Variants in MTUS2 observed in about 807,000 individuals in gnomAD.
The protein encoded by MTUS2 is microtubule associated scaffold protein 2.
Under a neutral mutation model 114.1 loss-of-function variants are expected in MTUS2, and 40 were observed. That is an observed-to-expected ratio of 0.35 (90% CI 0.27 to 0.46). MTUS2 has a LOEUF of 0.46. MTUS2 is among the 20% of genes least tolerant of loss of function. The pLI is 1.00. For missense variants in MTUS2, 1,679 were observed against 1,705.4 expected, an observed-to-expected ratio of 0.98 and a Z score of 0.27; for synonymous variants, 688 against 672.0, an observed-to-expected ratio of 1.02 and a Z score of -0.37.
At chr13:29,485,654 T>C (rs1881555180) in intron 10 of MTUS2, among the ~76,000 whole-genome samples, 1 of 152,190 alleles carries the variant, frequency 6.6e-6, no homozygotes, top group South Asian at 2.1e-4. Context: ...GGCGTGGTAT[T>C]CCATCACCAA....
chr13:29,287,274 G>C (rs1898529371), intron 6 of MTUS2, among the ~76,000 whole-genome samples: 1 of 152,234 alleles, frequency 6.6e-6, no homozygotes, highest in African/African-American at 2.4e-5. Flanking sequence ...GCATGTGTGT[G>C]AAGGGGGATG....
intron 5 of MTUS2, among the ~76,000 whole-genome samples, chr13:29,104,652 G>A (rs1034359993): frequency 2.0e-5 from 3 of 152,100 alleles, no homozygotes; most frequent in East Asian, 1.9e-4. Context: ...CATGTGTATC[G>A]TGCCTCCAGG....
intron 6 of MTUS2, among the ~76,000 whole-genome samples, chr13:29,323,504 C>T (rs1225273998): frequency 6.6e-6 from 1 of 152,152 alleles, no homozygotes; most frequent in African/African-American, 2.4e-5. Context: ...CCTGCCTCGG[C>T]CTCCCAAAGT....
intron 9 of MTUS2, among the ~76,000 whole-genome samples, chr13:29,461,190 G>A (rs1261751232): frequency 6.6e-6 from 1 of 152,118 alleles, no homozygotes; most frequent in Non-Finnish European, 1.5e-5. Context: ...GCAGGACAGA[G>A]AGAGAGAGAA....
chr13:28,830,099 A>G (rs558694927), intron 1 of MTUS2, among the ~76,000 whole-genome samples: 1 of 152,252 alleles, frequency 6.6e-6, no homozygotes, highest in Admixed American at 6.5e-5. Context: ...GCAGCTGCAC[A>G]TGATAAACAA....
Position 29,501,115 on chromosome 13 carries a change from C to T in MTUS2, c.3817C>T (p.Leu1273=), listed in dbSNP as rs769297789. Residue 1273 remains leucine (L), a synonymous_variant, in exon 15 of 16, where the codon CTA becomes TTA. Coordinates refer to ENST00000612955, the MANE Select transcript of MTUS2 (RefSeq NM_001033602.4). ...LEKLAEKNII[L]EEKIQVLQQQ... ...TTTGTAGGCAGAAAAGAACATTATC[C>T]TAGAAGAAAAGATCCAGGTTCTCCA... 9 of 1,614,002 alleles carry T rather than the reference C, an allele frequency of 5.6e-6. No individual in the cohort carries two copies. The South Asian group carries it at 8.8e-5, about 16-fold the overall frequency.
chr13:28,896,793 A>C (rs1470253689), intron 2 of MTUS2, among the ~76,000 whole-genome samples: 2 of 152,232 alleles, frequency 1.3e-5, no homozygotes, highest in Non-Finnish European at 2.9e-5. Context: ...CAAAAACAAG[A>C]AATGGAGAAA....
intron 6 of MTUS2, among the ~76,000 whole-genome samples, chr13:29,289,155 G>A (rs189497541): frequency 2.0e-5 from 3 of 152,296 alleles, no homozygotes; most frequent in Admixed American, 2.0e-4. Context: ...AGTAATTGAA[G>A]CATGTGATAT....
intron 9 of MTUS2, among the ~76,000 whole-genome samples, chr13:29,464,259 T>A (rs1414624837): frequency 2.0e-5 from 3 of 152,186 alleles, no homozygotes; most frequent in Non-Finnish European, 4.4e-5. Context: ...GATGAGAAGC[T>A]GAAGGCGGAA....
intron 4 of MTUS2, among the ~76,000 whole-genome samples, chr13:29,039,196 G>A (rs1434332149): frequency 6.6e-6 from 1 of 152,220 alleles, no homozygotes; most frequent in Admixed American, 6.5e-5. Context: ...GGTGCTTCTG[G>A]GCTCGGGGCA....
In MTUS2 at chr13:28,942,760, C is replaced by G. The variant is rs1389149803; in HGVS notation, c.-242-81697C>G. On this transcript the variant is annotated intron_variant, in intron 2 of 15. Transcript: ENST00000612955. Reference sequence around the variant, plus strand: ...AAGGTCAGAAACAGGCAAAACAACTCTGGTGTGTTAAAGGTGAGGTTAGTG... The same window carrying G: ...AAGGTCAGAAACAGGCAAAACAACTGTGGTGTGTTAAAGGTGAGGTTAGTG... Among the ~76,000 whole-genome samples the G allele has an allele frequency of 2.0e-5, 3 of 152,086 alleles. No individual in the cohort carries two copies. In the East Asian group the frequency reaches 5.8e-4, roughly 29 times the overall value.
In MTUS2 at chr13:28,956,314, C is replaced by T. The variant is rs1883063483; in HGVS notation, c.-242-68143C>T. Among the ~76,000 whole-genome samples, 3 of 152,232 alleles carry T rather than the reference C, an allele frequency of 2.0e-5. No homozygotes were observed. In the South Asian group the frequency reaches 6.2e-4, roughly 32 times the overall value. ...CCCTCACCCTCACTCCTATCCCCAG[C>T]ACCGGGTAGGAGTCTCCCTTAAGGT... is the stretch of plus-strand genomic sequence containing the variant. On this transcript the variant is annotated intron_variant, in intron 2 of 15. Transcript: ENST00000612955.
chr13:28,843,667 A>G (rs1480806770), intron 2 of MTUS2, among the ~76,000 whole-genome samples: 1 of 152,238 alleles, frequency 6.6e-6, no homozygotes, highest in Non-Finnish European at 1.5e-5. Context: ...TAAATGATGC[A>G]TAAGACTGTG....
intron 2 of MTUS2, among the ~76,000 whole-genome samples, chr13:28,992,889 C>T (rs769150930): frequency 6.6e-6 from 1 of 152,192 alleles, no homozygotes; most frequent in Non-Finnish European, 1.5e-5. Flanking sequence ...AACTTTCCAT[C>T]TCTCCCCACA....
At chr13:29,153,389 T>C (rs1229071926) in intron 5 of MTUS2, among the ~76,000 whole-genome samples, 1 of 152,202 alleles carries the variant, frequency 6.6e-6, no homozygotes, top group Non-Finnish European at 1.5e-5. Context: ...CGAATTCTAC[T>C]CTCTCCTTCT....
At chr13:29,285,102 AAGG>A (rs1898424774) in intron 6 of MTUS2, among the ~76,000 whole-genome samples, 1 of 151,994 alleles carries the variant, frequency 6.6e-6, no homozygotes, top group Non-Finnish European at 1.5e-5. Flanking sequence ...AGAAAAAAAA[AAGG>A]AAAAACTGAA....
intron 8 of MTUS2, among the ~76,000 whole-genome samples, chr13:29,397,416 T>C (rs1017682847): frequency 6.6e-6 from 1 of 152,146 alleles, no homozygotes; most frequent in Admixed American, 6.5e-5. Flanking sequence ...ACCCTTCTTA[T>C]CTCATTCCCC....
At chr13:29,493,130 C>T (rs1882306847) in intron 12 of MTUS2, among the ~76,000 whole-genome samples, 1 of 152,152 alleles carries the variant, frequency 6.6e-6, no homozygotes. Context: ...AGAACGTGCT[C>T]TGAGACTTAT....
At chr13:29,182,974 C>A (rs889921193) in intron 5 of MTUS2, among the ~76,000 whole-genome samples, 14 of 152,048 alleles carry the variant, frequency 9.2e-5, no homozygotes, top group Non-Finnish European at 1.3e-4. Flanking sequence ...CGAGGAGGAA[C>A]AATCTAGGAT....
Sources: gnomAD v4.1 joint callset for allele counts (sites outside exome capture counted in the v4.1 genomes callset) on GRCh38, gnomAD v4.1.1 for gene constraint, MANE v1.5 for transcripts, NCBI Gene and HGNC (gene_info 2026-07-23, HGNC 2026-07-21) for gene names.